MEG3: variants seen among roughly 807,000 people sequenced by gnomAD.
MEG3 encodes maternally expressed 3.
chr14:100,841,828 G>T (rs1486042360), intron 2 of MEG3, among the ~76,000 whole-genome samples: 1 of 152,176 alleles, frequency 6.6e-6, no homozygotes, highest in Non-Finnish European at 1.5e-5. Flanking sequence ...AATGAGACTG[G>T]ACTTGTGGCT....
At chr14:100,856,551 C>T (rs950315642), upstream of MEG3, 1 of 152,626 alleles carries the variant, frequency 6.6e-6, no homozygotes, top group African/African-American at 2.4e-5. Flanking sequence ...GTGTGCGTGT[C>T]CCCGGGGGTG....
chr14:100,839,280 G>T (rs896956932), intron 2 of MEG3, among the ~76,000 whole-genome samples: 1 of 152,148 alleles, frequency 6.6e-6, no homozygotes, highest in Non-Finnish European at 1.5e-5. Flanking sequence ...GCTGGGAGTG[G>T]CTTCTTTTTA....
chr14:100,857,373 G>A (rs1162291899), exon 1 of MEG3: 1 of 152,218 alleles, frequency 6.6e-6, no homozygotes, highest in Non-Finnish European at 1.5e-5. Flanking sequence ...TCACAGGGCT[G>A]TTGTGAGGGC....
upstream of MEG3, chr14:100,856,503 A>T (rs2038244501): frequency 6.5e-6 from 1 of 152,740 alleles, no homozygotes; most frequent in Non-Finnish European, 1.5e-5. Context: ...GTGAGGAGCA[A>T]TGTAACCGTG....
At chr14:100,850,021 G>A (rs993614050) in intron 3 of MEG3, 1 of 152,138 alleles carries the variant, frequency 6.6e-6, no homozygotes, top group African/African-American at 2.4e-5. Context: ...ATAAATAAAA[G>A]AATAAATACT....
chr14:100,842,976 T>C lies in MEG3; in HGVS notation n.3046-2482T>C, dbSNP rs76113226. Among the ~76,000 whole-genome samples the C allele has an allele frequency of 7.7e-3, 1,167 of 152,292 alleles. 8 individuals carry two copies. Among genetic ancestry groups the C allele is most frequent in the Non-Finnish European group, 0.012 (801 of 68,022 alleles). ...CAGACAGTGACTCATCTCTGCAGCT[T>C]TTCTGACATTTGTTAAGATTCTAGC... is the stretch of plus-strand genomic sequence containing the variant. On this transcript the variant is annotated intron_variant and non_coding_transcript_variant, in intron 2 of 3. Transcript: ENST00000398461.
chr14:100,834,627 C>T (rs1241928712), exon 1 of MEG3: 3 of 453,282 alleles, frequency 6.6e-6, no homozygotes, highest in African/African-American at 2.0e-5. Context: ...TTTGTCCCTC[C>T]CCAGTTCCTG....
chr14:100,850,135 A>C (rs1310311372), intron 3 of MEG3: 1 of 152,268 alleles, frequency 6.6e-6, no homozygotes. Flanking sequence ...AAAATTAATA[A>C]GGAAAACAAA....
intron 1 of MEG3, chr14:100,826,518 T>C (rs1467384612): frequency 1.3e-5 from 2 of 152,288 alleles, no homozygotes; most frequent in African/African-American, 4.8e-5. Flanking sequence ...ATGGAACTCC[T>C]CTTGGATTCG....
chr14:100,828,025 C>G (rs1220244672), intron 1 of MEG3, among the ~76,000 whole-genome samples: 3 of 152,072 alleles, frequency 2.0e-5, no homozygotes. Flanking sequence ...GGAGGCGCTG[C>G]GCCGCAGCCA....
At chr14:100,847,902 C>T (rs147238291) in intron 3 of MEG3, 1 of 151,974 alleles carries the variant, frequency 6.6e-6, no homozygotes, top group Non-Finnish European at 1.5e-5. Flanking sequence ...GGAATAAATG[C>T]CTAATAAAAA....
chr14:100,849,316 T>G (rs1000080532), intron 3 of MEG3: 2 of 151,984 alleles, frequency 1.3e-5, no homozygotes, highest in Non-Finnish European at 2.9e-5. Context: ...CACGGACCAG[T>G]GTGCAGAAGG....
chr14:100,838,754 C>T (rs779139976), intron 2 of MEG3, among the ~76,000 whole-genome samples: 4 of 152,090 alleles, frequency 2.6e-5, no homozygotes, highest in Non-Finnish European at 5.9e-5. Flanking sequence ...GAAACTGGCT[C>T]TCCTCTCGCA....
At chr14:100,828,037 A>T (rs2037292287) in intron 1 of MEG3, among the ~76,000 whole-genome samples, 1 of 152,068 alleles carries the variant, frequency 6.6e-6, no homozygotes, top group South Asian at 2.1e-4. Context: ...CCGCAGCCAC[A>T]GGTGGGCTCT....
Position 100,860,571 on chromosome 14 carries a change from G to A in MEG3, n.3113-178G>A, listed in dbSNP as rs535618330. 1.5e-4 allele frequency: 67 copies of A among 442,924 alleles called. No individual in the cohort carries two copies. In the East Asian group the frequency reaches 4.2e-3, roughly 28 times the overall value. The allele number at this position is 442,924 out of a possible 1,614,324, so 27.4% of individuals were successfully genotyped here. On this transcript the variant is annotated intron_variant and non_coding_transcript_variant, in intron 1 of 1. Transcript: ENST00000398460. ...TCACCCTCCATGCTGCTAGGAGCCC[G>A]TGAGCAGGGACTTGCTCTCCTCTCC...
exon 3 of MEG3, chr14:100,829,102 C>T (rs572796309): frequency 2.0e-5 from 3 of 152,202 alleles, no homozygotes; most frequent in Non-Finnish European, 4.4e-5. Context: ...ACCCCCAGGA[C>T]CAGGATGGCA....
At chr14:100,860,631 T>A in intron 1 of MEG3, 1 of 456,518 alleles carries the variant, frequency 2.2e-6, no homozygotes, top group Non-Finnish European at 4.4e-6. Context: ...GTCTGTGAAC[T>A]CTTGTCGGCC....
At chr14:100,844,887 G>A (rs534590178) in intron 2 of MEG3, among the ~76,000 whole-genome samples, 219 of 152,324 alleles carry the variant, frequency 1.4e-3, no homozygotes, top group Non-Finnish European at 2.3e-3. Context: ...CGATGTGCCT[G>A]GCCATGGTGC....
intron 2 of MEG3, among the ~76,000 whole-genome samples, chr14:100,840,880 TGCGCCGGCCTCC>T (rs2037735044): frequency 6.6e-6 from 1 of 152,212 alleles, no homozygotes; most frequent in African/African-American, 2.4e-5. Flanking sequence ...ACCGCATGTC[TGCGCCGGCCTCC>T]GCGCTCACAG....
Sources: allele counts gnomAD v4.1 joint callset (sites outside exome capture counted in the v4.1 genomes callset), GRCh38; gene constraint gnomAD v4.1.1; transcripts MANE v1.5; gene names NCBI Gene and HGNC (gene_info 2026-07-23, HGNC 2026-07-21).